Variants in CCDC171 observed in about 807,000 individuals in gnomAD.
CCDC171 encodes coiled-coil domain containing 171, also known as coiled-coil domain-containing protein 171.
A neutral mutation model predicts 168.2 loss-of-function variants in CCDC171; 177 were observed. That is an observed-to-expected ratio of 1.05 (90% CI 0.93 to 1.19). CCDC171 has a LOEUF of 1.19. Among genes scored for constraint, CCDC171 ranks in the 50% most tolerant of loss-of-function variants. CCDC171 has a pLI of 0.00. For missense variants in CCDC171, 1,991 were observed against 1,539.0 expected (o/e 1.29, Z -4.91); for synonymous variants, 687 against 540.8 (o/e 1.27, Z -3.75).
chr9:15,929,957 A>G (rs375759385), intron 25 of CCDC171, among the ~76,000 whole-genome samples: 1 of 151,788 alleles, frequency 6.6e-6, no homozygotes, highest in East Asian at 1.9e-4. Flanking sequence ...AAGAAGTAAG[A>G]GTTCCTTTGT....
chr9:15,907,508 C>T (rs927310807), intron 24 of CCDC171, among the ~76,000 whole-genome samples: 1 of 152,192 alleles, frequency 6.6e-6, no homozygotes, highest in Non-Finnish European at 1.5e-5. Flanking sequence ...AAAATTAATT[C>T]AAGATGGATT....
At chr9:16,101,681 C>T in the CCDC171 span, among the ~76,000 whole-genome samples, 1 of 152,212 alleles carries the variant, frequency 6.6e-6, no homozygotes, top group African/African-American at 2.4e-5. Context: ...AGAAAATTGT[C>T]CAGTGACCTT....
chr9:15,794,222 T>C (rs1469225844), intron 21 of CCDC171, among the ~76,000 whole-genome samples: 1 of 152,112 alleles, frequency 6.6e-6, no homozygotes, highest in East Asian at 1.9e-4. Context: ...CCCAGCAGTT[T>C]TGGAGGCTTA....
intron 24 of CCDC171, among the ~76,000 whole-genome samples, chr9:15,914,701 A>G (rs2131893863): frequency 6.6e-6 from 1 of 152,194 alleles, no homozygotes; most frequent in South Asian, 2.1e-4. Flanking sequence ...GTATGAAAAA[A>G]AAACTCCTGC....
intron 6 of CCDC171, among the ~76,000 whole-genome samples, chr9:16,030,766 C>G (rs2133040054): frequency 6.6e-6 from 1 of 152,268 alleles, no homozygotes; most frequent in South Asian, 2.1e-4. Flanking sequence ...GGCGGCTCAC[C>G]ACGCTGGCCA....
intron 2 of CCDC171, among the ~76,000 whole-genome samples, chr9:15,564,368 C>G (rs761692668): frequency 6.6e-6 from 1 of 152,236 alleles, no homozygotes; most frequent in African/African-American, 2.4e-5. Flanking sequence ...TGTGTCTGAA[C>G]TTTGTCCTGT....
intron 25 of CCDC171, among the ~76,000 whole-genome samples, chr9:15,953,789 G>T (rs1222802418): frequency 6.6e-6 from 1 of 152,120 alleles, no homozygotes; most frequent in Non-Finnish European, 1.5e-5. Context: ...ATTTATCAGT[G>T]AAGCCATTTG....
chr9:15,772,786 G>C (rs1183009438), intron 18 of CCDC171, among the ~76,000 whole-genome samples: 1 of 152,156 alleles, frequency 6.6e-6, no homozygotes, highest in Non-Finnish European at 1.5e-5. Flanking sequence ...GGATTGAAGA[G>C]CGGGAAGACT....
chr9:15,729,916 C>T, intron 16 of CCDC171, 118 bp downstream of exon 16: 1 of 701,788 alleles, frequency 1.4e-6, no homozygotes, highest in Non-Finnish European at 2.4e-6. Context: ...CTTCGTAGAA[C>T]TTGTTTAGAT....
intron 21 of CCDC171, among the ~76,000 whole-genome samples, chr9:15,787,112 T>C (rs936166469): frequency 1.3e-5 from 2 of 152,192 alleles, no homozygotes; most frequent in African/African-American, 4.8e-5. Flanking sequence ...TCTTTTTCTT[T>C]TTAACTGACA....
chr9:15,969,187 G>T (rs1831106556), intron 25 of CCDC171, among the ~76,000 whole-genome samples: 1 of 152,120 alleles, frequency 6.6e-6, no homozygotes. Flanking sequence ...TATTATATTG[G>T]ATGAAAGGGT....
At chr9:15,762,805 C>G (rs1214593835) in intron 18 of CCDC171, among the ~76,000 whole-genome samples, 1 of 152,160 alleles carries the variant, frequency 6.6e-6, no homozygotes, top group African/African-American at 2.4e-5. Context: ...CTGCTCCTAC[C>G]TGGTCTAAGG....
intron 6 of CCDC171, among the ~76,000 whole-genome samples, chr9:16,023,517 G>A (rs1833216173): frequency 6.6e-6 from 1 of 152,108 alleles, no homozygotes; most frequent in African/African-American, 2.4e-5. Context: ...ATAGCTTGAG[G>A]CAGCACCACC....
intron 6 of CCDC171, among the ~76,000 whole-genome samples, chr9:15,618,855 C>T (rs926485016): frequency 2.6e-5 from 4 of 151,854 alleles, no homozygotes; most frequent in African/African-American, 9.7e-5. Context: ...TAACCAGTCC[C>T]AGTGAGATGA....
chr9:15,728,175 C>A, intron 15 of CCDC171, 139 bp downstream of exon 15: 1 of 668,614 alleles, frequency 1.5e-6, no homozygotes, highest in Non-Finnish European at 2.4e-6. Flanking sequence ...TTAATTATGG[C>A]TTGTCTACAA....
At chr9:15,820,475 A>T (rs542164004) in intron 21 of CCDC171, among the ~76,000 whole-genome samples, 1 of 116,922 alleles carries the variant, frequency 8.6e-6, no homozygotes, top group African/African-American at 3.2e-5. Context: ...AGAAGAATCA[A>T]ATAGATGCAA....
intron 7 of CCDC171, among the ~76,000 whole-genome samples, chr9:15,626,028 C>G (rs1419982382): frequency 1.3e-5 from 2 of 152,068 alleles, no homozygotes; most frequent in African/African-American, 4.8e-5. Context: ...TGAAGAGGTC[C>G]TTCACATCCC....
At chr9:16,044,406 T>C (rs1048831374) in intron 1 of CCDC171, among the ~76,000 whole-genome samples, 2 of 152,168 alleles carry the variant, frequency 1.3e-5, no homozygotes, top group African/African-American at 4.8e-5. Flanking sequence ...TTTTTTCTTT[T>C]TACATCCATT....
chr9:15,802,022 A>T (rs894970994), intron 21 of CCDC171, among the ~76,000 whole-genome samples: 22 of 151,844 alleles, frequency 1.4e-4, no homozygotes, highest in African/African-American at 5.3e-4. Context: ...TGGTTTGCTA[A>T]TATTCTGTTG....
Sources: gnomAD v4.1 joint callset for allele counts (sites outside exome capture counted in the v4.1 genomes callset) on GRCh38, gnomAD v4.1.1 for gene constraint, MANE v1.5 for transcripts, NCBI Gene and HGNC (gene_info 2026-07-23, HGNC 2026-07-21) for gene names.